The following RBM23 variants were observed in gnomAD, a reference collection of about 807,000 sequenced individuals.
RBM23 encodes the protein RNA binding motif protein 23, also known as probable RNA-binding protein 23.
RBM23 carries 53 observed loss-of-function variants against 56.2 expected under a neutral mutation model. The ratio of observed to expected loss-of-function variants is 0.94; its 90% confidence interval spans 0.76 to 1.19. RBM23 has a LOEUF of 1.19. Among genes scored for constraint, RBM23 ranks in the 50% most tolerant of loss-of-function variants. The probability of loss-of-function intolerance (pLI) is 0.00; values close to 1 mark genes in which losing one functional copy is unlikely to be tolerated. For synonymous variants in RBM23, 197 were observed against 198.5 expected, an observed-to-expected ratio of 0.99 and a Z score of 0.06; for missense variants, 642 against 590.3, an observed-to-expected ratio of 1.09 and a Z score of -0.91.
At chr14:22,911,236 G>C in intron 2 of RBM23, 92 bp downstream of exon 2, 2 of 993,990 alleles carry the variant, frequency 2.0e-6, no homozygotes, top group Admixed American at 1.8e-5. Context: ...AGCAGGGAAA[G>C]AGGATTCATA....
At chr14:22,911,076 G>C (rs756721591) in intron 2 of RBM23, among the ~76,000 whole-genome samples, 11 of 152,206 alleles carry the variant, frequency 7.2e-5, no homozygotes, top group Non-Finnish European at 1.6e-4. Context: ...GTCACTTCGA[G>C]TTTTGAGCAA....
intron 9 of RBM23, 114 bp from the exon 10 acceptor site, chr14:22,904,440 C>A (rs1252532157): frequency 3.1e-5 from 27 of 884,354 alleles, no homozygotes; most frequent in Non-Finnish European, 3.7e-5. Context: ...AAGTCTCACC[C>A]ACTCCAGCCT....
At chr14:22,904,478 A>G (rs1389648283) in intron 9 of RBM23, 152 bp from the exon 10 acceptor site, 3 of 679,890 alleles carry the variant, frequency 4.4e-6, no homozygotes, top group Non-Finnish European at 7.3e-6. Flanking sequence ...CTTGTCTCGG[A>G]AAAAAAAAGA....
At chr14:22,902,955 AT>A in intron 10 of RBM23, 1 of 688,014 alleles carries the variant, frequency 1.5e-6, no homozygotes, top group Non-Finnish European at 1.8e-6. Flanking sequence ...TTTTATTTTT[AT>A]TTTTTAGTAG....
At chr14:22,911,635 G>C (rs577718812) in intron 1 of RBM23, 2 of 306,146 alleles carry the variant, frequency 6.5e-6, no homozygotes, top group African/African-American at 2.2e-5. Flanking sequence ...AGGATAGTCC[G>C]GGCGCAGTGG....
At chr14:22,918,770 G>A (rs2044045316) in intron 1 of RBM23, among the ~76,000 whole-genome samples, 1 of 152,166 alleles carries the variant, frequency 6.6e-6, no homozygotes, top group Non-Finnish European at 1.5e-5. Context: ...ATCTTTATCG[G>A]TGCAAGATAC....
rs2041881379 is a variant in RBM23 at position 22,908,134 on chromosome 14, C to G, written c.227+199G>C. On this transcript the variant is annotated intron_variant, in intron 4 of 13. Transcript: ENST00000359890. ...CTCCTGGGCCCAAGCAATCCTCCAG[C>G]CTTAGCCTCCCAAGTAGCTGGGAGT... Among the ~76,000 whole-genome samples, 3 of 152,182 alleles carry G rather than the reference C, an allele frequency of 2.0e-5. No individual in the cohort carries two copies. The South Asian group carries it at 6.2e-4, about 31-fold the overall frequency.
rs202019773 is a variant in RBM23, at chr14:22,906,369, C to T, written c.228-1G>A. 1.2e-4 allele frequency: 186 copies of T among 1,614,030 alleles called. No homozygotes were observed. Among genetic ancestry groups the T allele is most frequent in the Admixed American group, 5.7e-4 (34 of 60,016 alleles). On this transcript the variant is annotated splice_acceptor_variant, in intron 4 of 13. Coordinates refer to ENST00000359890, the MANE Select transcript of RBM23 (RefSeq NM_001077351.2). LOFTEE classifies it high-confidence loss of function. ...ATACCGATCCCGATCTCGACTACGACTACAGAGGGAAACAACTACAGTCAT... is the reference window on the plus strand; with the variant it reads ...ATACCGATCCCGATCTCGACTACGATTACAGAGGGAAACAACTACAGTCAT...
intron 5 of RBM23, 64 bp downstream of exon 5, chr14:22,906,131 T>C (rs1195430141): frequency 5.6e-5 from 87 of 1,563,456 alleles, no homozygotes; most frequent in African/African-American, 6.7e-5. Context: ...GCAGGGTTCA[T>C]AGTGCATTTG....
intron 3 of RBM23, 94 bp from the exon 4 acceptor site, chr14:22,908,474 C>A (rs1310628277): frequency 1.5e-5 from 21 of 1,390,808 alleles, no homozygotes; most frequent in Non-Finnish European, 2.0e-5. Context: ...CTCACTGCAA[C>A]CTCCGCCTTC....
At position 22,895,512 on chromosome 14, in the gene RBM23, GT is replaced by G. The variant is rs1180781633; in HGVS notation, c.*6217del. 1 of 152,182 alleles carries G rather than the reference GT, an allele frequency of 6.6e-6. No homozygotes were observed. Among genetic ancestry groups the G allele is most frequent in the Non-Finnish European group, 1.5e-5 (1 of 68,150 alleles). 9.4% of individuals were successfully genotyped at this position (152,182 alleles called of 1,614,324 possible). A position where few individuals can be genotyped will look rare whatever the true frequency, so the allele number is the denominator to read the frequency against. On this transcript the variant is annotated 3_prime_UTR_variant, in exon 14 of 14. Coordinates refer to ENST00000359890, the MANE Select transcript of RBM23 (RefSeq NM_001077351.2). ...TGGTAACAGAGGGTGCTCTCAGGCA[GT>G]TGTGGTGGCTCACACCTATAATCCT...
chr14:22,905,772 C>A, intron 5 of RBM23, 113 bp from the exon 6 acceptor site: 1 of 862,060 alleles, frequency 1.2e-6, no homozygotes, highest in South Asian at 1.6e-5. Flanking sequence ...TTTTTTAAGA[C>A]AGGGTTTCCG....
intron 1 of RBM23, among the ~76,000 whole-genome samples, chr14:22,916,394 C>CCA (rs1271029862): frequency 2.0e-5 from 3 of 151,548 alleles, no homozygotes; most frequent in African/African-American, 7.3e-5. Flanking sequence ...GTAGCTGGGA[C>CCA]CACAGGTGTG....
Position 22,906,253 on chromosome 14 carries a change from T to G in RBM23, c.343A>C (p.Ser115Arg). 1 of 1,614,256 alleles carries G rather than the reference T, an allele frequency of 6.2e-7. No individual in the cohort carries two copies. Among genetic ancestry groups the G allele is most frequent in the Non-Finnish European group, 8.5e-7 (1 of 1,180,040 alleles). Residue 115 changes from serine to arginine, a missense_variant, in exon 5 of 14, where the codon AGT becomes CGT. Coordinates refer to ENST00000359890, the MANE Select transcript of RBM23 (RefSeq NM_001077351.2). The stretch of plus-strand genomic sequence containing the variant: ...CGATCCTCACGACGATGGTCCCGAC[T>G]TCGCGACTCACTACCATGTCGACGA... ...WDRRHGSESR[S>R]RDHRREDRVH...
intron 1 of RBM23, chr14:22,911,865 C>G (rs1254332736): frequency 1.3e-5 from 2 of 153,204 alleles, no homozygotes; most frequent in East Asian, 1.9e-4. Context: ...GAGCCAAGAT[C>G]ACGCCACTGT....
chr14:22,905,207 G>A lies in RBM23; in HGVS notation c.613C>T (p.Arg205Cys), dbSNP rs1286624873. 5.0e-6 allele frequency: 8 copies of A among 1,614,142 alleles called. No homozygotes were observed. The highest frequency in any genetic ancestry group is 2.2e-5 in the South Asian group (2 of 91,062). Residue 205 changes from arginine (R) to cysteine (C), a missense_variant, in exon 8 of 14, where the codon CGT becomes TGT. Arg to Cys is a radical substitution (Grantham distance 180, BLOSUM62 -3). Transcript: ENST00000359890. ...TCCACGTAGGCAATGCCCTTAGAAC[G>A]ACGTGAGTTCCGATCTGAGATGATA... ...VRIISDRNSR[R>C]SKGIAYVEFC...
Position 22,909,477 on chromosome 14 carries a change from A to G in RBM23, c.179+6T>C, listed in dbSNP as rs932477469. ...TTGCCAACCCATTTCTTCCTCCCACACTCACTTGCTTGTCTCCCCGATGGT... is the reference window on the plus strand; with the variant it reads ...TTGCCAACCCATTTCTTCCTCCCACGCTCACTTGCTTGTCTCCCCGATGGT... On this transcript the variant is annotated splice_donor_region_variant and intron_variant, in intron 3 of 13. Coordinates refer to ENST00000359890, the MANE Select transcript of RBM23 (RefSeq NM_001077351.2). The G allele has an allele frequency of 1.9e-6, 3 of 1,610,672 alleles. No homozygotes were observed. The Admixed American group carries it at 5.0e-5, about 27-fold the overall frequency.
chr14:22,902,400 CAT>C lies in RBM23; in HGVS notation c.931-20_931-19del. ...TCAGAGAACTATGAGAAACCCAGGC[CAT>C]GTTAGTCACCTACTCACCAAAGACA... On this transcript the variant is annotated intron_variant, in intron 10 of 13. Coordinates refer to ENST00000359890, the MANE Select transcript of RBM23 (RefSeq NM_001077351.2). 1 of 1,605,168 alleles carries C rather than the reference CAT, an allele frequency of 6.2e-7. No homozygotes were observed. The highest frequency in any genetic ancestry group is 8.5e-7 in the Non-Finnish European group (1 of 1,172,674).
At chr14:22,901,955 C>A in intron 12 of RBM23, 25 bp downstream of exon 12, 2 of 1,611,330 alleles carry the variant, frequency 1.2e-6, no homozygotes, top group Non-Finnish European at 8.5e-7. Flanking sequence ...CAAACCTTCC[C>A]TTCCTTTCCC....
Sources: gnomAD v4.1 joint callset for allele counts (sites outside exome capture counted in the v4.1 genomes callset) on GRCh38, gnomAD v4.1.1 for gene constraint, MANE v1.5 for transcripts, NCBI Gene and HGNC (gene_info 2026-07-23, HGNC 2026-07-21) for gene names.